ANGPT1: variants seen among roughly 807,000 people sequenced by gnomAD.
The protein encoded by ANGPT1 is angiopoietin 1.
In ANGPT1, 17 loss-of-function variants were observed where a neutral mutation model predicts 62.2. The ratio of observed to expected loss-of-function variants is 0.27; its 90% confidence interval spans 0.19 to 0.41. The LOEUF is 0.41. Among genes scored for constraint, ANGPT1 ranks in the 10% least tolerant of loss-of-function variants. The probability of loss-of-function intolerance (pLI) is 1.00; values close to 1 mark genes in which losing one functional copy is unlikely to be tolerated. For missense variants in ANGPT1, 478 were observed against 594.9 expected (o/e 0.80, Z 2.04); for synonymous variants, 199 against 198.9 (o/e 1.00, Z 0.00).
At chr8:107,424,866 A>G (rs1290717376) in intron 1 of ANGPT1, among the ~76,000 whole-genome samples, 1 of 152,216 alleles carries the variant, frequency 6.6e-6, no homozygotes, top group Non-Finnish European at 1.5e-5. Flanking sequence ...TAGAAAAACT[A>G]TTCTTTTTTT....
chr8:107,336,664 C>CAAAAA (rs764777661), intron 2 of ANGPT1: 1 of 61,372 alleles, frequency 1.6e-5, no homozygotes, highest in Non-Finnish European at 2.9e-5. Flanking sequence ...GACTCTGTCT[C>CAAAAA]AAAAAAAAAA....
intron 1 of ANGPT1, among the ~76,000 whole-genome samples, chr8:107,461,280 AC>A (rs1586342265): frequency 6.6e-6 from 1 of 152,130 alleles, no homozygotes; most frequent in East Asian, 1.9e-4. Flanking sequence ...TTACACTAGG[AC>A]CAACATAAGT....
At chr8:107,394,620 G>A (rs973560207) in intron 1 of ANGPT1, among the ~76,000 whole-genome samples, 2 of 152,248 alleles carry the variant, frequency 1.3e-5, no homozygotes, top group African/African-American at 4.8e-5. Context: ...AGGCTATCTG[G>A]AGGTAACATG....
intron 3 of ANGPT1, among the ~76,000 whole-genome samples, chr8:107,327,384 T>A (rs1312893447): frequency 6.6e-6 from 1 of 152,052 alleles, no homozygotes; most frequent in East Asian, 1.9e-4. Context: ...CCCAGTGTCC[T>A]AAAGTTAGAT....
intron 1 of ANGPT1, among the ~76,000 whole-genome samples, chr8:107,485,763 A>G (rs1471023505): frequency 6.6e-6 from 1 of 152,248 alleles, no homozygotes; most frequent in Non-Finnish European, 1.5e-5. Flanking sequence ...CACTTTTCCA[A>G]GCAGGATTGC....
chr8:107,367,743 G>A (rs571499230), intron 1 of ANGPT1, among the ~76,000 whole-genome samples: 184 of 152,306 alleles, frequency 1.2e-3, no homozygotes, highest in African/African-American at 4.1e-3. Flanking sequence ...TGTTGACCAA[G>A]AGTAGATTCC....
intron 1 of ANGPT1, among the ~76,000 whole-genome samples, chr8:107,476,398 G>A (rs1022917115): frequency 3.9e-5 from 6 of 152,036 alleles, no homozygotes; most frequent in Admixed American, 6.6e-5. Flanking sequence ...GAACACTTGG[G>A]CACAGGAAGG....
At chr8:107,444,143 C>T (rs1309960122) in intron 1 of ANGPT1, among the ~76,000 whole-genome samples, 1 of 152,178 alleles carries the variant, frequency 6.6e-6, no homozygotes, top group Non-Finnish European at 1.5e-5. Context: ...TCCTGAATCA[C>T]TGGCACCAGT....
At chr8:107,333,640 G>A (rs1342106768) in intron 3 of ANGPT1, among the ~76,000 whole-genome samples, 3 of 152,066 alleles carry the variant, frequency 2.0e-5, no homozygotes, top group Non-Finnish European at 4.4e-5. Context: ...ATATGTTTGG[G>A]ATCAGAAGTC....
At chr8:107,397,186 A>G (rs1816953185) in intron 1 of ANGPT1, among the ~76,000 whole-genome samples, 1 of 152,208 alleles carries the variant, frequency 6.6e-6, no homozygotes, top group Non-Finnish European at 1.5e-5. Flanking sequence ...GCACAAGACT[A>G]CTACAAAACC....
intron 1 of ANGPT1, among the ~76,000 whole-genome samples, chr8:107,463,060 A>G (rs1032165526): frequency 1.3e-5 from 2 of 152,118 alleles, no homozygotes; most frequent in South Asian, 4.1e-4. Flanking sequence ...TAATCAATAA[A>G]CTGGTAAAGT....
At chr8:107,260,132 G>A (rs996701716) in intron 8 of ANGPT1, among the ~76,000 whole-genome samples, 2 of 152,094 alleles carry the variant, frequency 1.3e-5, no homozygotes, top group Admixed American at 1.3e-4. Context: ...GAAGAACAAA[G>A]ATCAAGTCCT....
chr8:107,358,135 C>T (rs1173023621), intron 1 of ANGPT1, among the ~76,000 whole-genome samples: 1 of 152,044 alleles, frequency 6.6e-6, no homozygotes, highest in Non-Finnish European at 1.5e-5. Flanking sequence ...TGAGATTACT[C>T]AATGGAACAT....
At chr8:107,360,637 G>T (rs970126725) in intron 1 of ANGPT1, among the ~76,000 whole-genome samples, 2 of 152,060 alleles carry the variant, frequency 1.3e-5, no homozygotes, top group African/African-American at 4.8e-5. Context: ...TACCTCTCTT[G>T]GATATAAAAC....
intron 1 of ANGPT1, among the ~76,000 whole-genome samples, chr8:107,383,810 A>T (rs1400715642): frequency 1.3e-5 from 2 of 152,102 alleles, no homozygotes; most frequent in African/African-American, 2.4e-5. Context: ...CCCTGCAAGC[A>T]TATTGTTCTA....
intron 3 of ANGPT1, among the ~76,000 whole-genome samples, chr8:107,323,327 A>C (rs1815201110): frequency 1.3e-5 from 2 of 152,176 alleles, no homozygotes; most frequent in Admixed American, 1.3e-4. Flanking sequence ...ACCCGTCCTT[A>C]GTTTACAAGG....
chr8:107,449,109 CT>C (rs1029280793), intron 1 of ANGPT1, among the ~76,000 whole-genome samples: 9 of 151,962 alleles, frequency 5.9e-5, no homozygotes, highest in African/African-American at 2.2e-4. Flanking sequence ...GGGAAATTTT[CT>C]CAATAGCAGG....
intron 1 of ANGPT1, among the ~76,000 whole-genome samples, chr8:107,374,997 TA>T (rs1816499748): frequency 6.6e-6 from 1 of 152,008 alleles, no homozygotes; most frequent in Admixed American, 6.5e-5. Context: ...CTGTCTCTAC[TA>T]AAAATACAAA....
intron 3 of ANGPT1, among the ~76,000 whole-genome samples, chr8:107,326,604 C>G (rs544521743): frequency 2.6e-4 from 40 of 152,198 alleles, no homozygotes; most frequent in African/African-American, 8.9e-4. Context: ...GTCAGCCCTT[C>G]CTTGTCATTA....
Sources: allele counts gnomAD v4.1 joint callset (sites outside exome capture counted in the v4.1 genomes callset), GRCh38; gene constraint gnomAD v4.1.1; transcripts MANE v1.5; gene names NCBI Gene and HGNC (gene_info 2026-07-23, HGNC 2026-07-21).